The following CIMIP5 variants were observed in gnomAD, a reference collection of about 807,000 sequenced individuals.
CIMIP5 encodes the protein ciliary microtubule inner protein 5.
At chr2:11,140,558 A>T in the CIMIP5 span, 12 of 1,560,556 alleles carry the variant, frequency 7.7e-6, no homozygotes, top group Non-Finnish European at 1.1e-5. Flanking sequence ...TGGTAAGGTA[A>T]AATATGTTCC....
chr2:11,144,326 C>A, the CIMIP5 span: 6 of 365,750 alleles, frequency 1.6e-5, no homozygotes, highest in African/African-American at 1.0e-4. Flanking sequence ...CACGGCCGTA[C>A]AATCCCCAGC....
chr2:11,148,904 T>C, the CIMIP5 span, among the ~76,000 whole-genome samples: 1 of 151,892 alleles, frequency 6.6e-6, no homozygotes, highest in Non-Finnish European at 1.5e-5. Flanking sequence ...TGGCTAATTT[T>C]TGTATTTTTA....
the CIMIP5 span, among the ~76,000 whole-genome samples, chr2:11,141,329 A>G: frequency 4.0e-5 from 6 of 151,824 alleles, no homozygotes; most frequent in Admixed American, 2.0e-4. Flanking sequence ...GGGTTTCACT[A>G]TGTTAGCCAG....
At chr2:11,149,220 A>G in the CIMIP5 span, among the ~76,000 whole-genome samples, 1 of 152,066 alleles carries the variant, frequency 6.6e-6, no homozygotes, top group Non-Finnish European at 1.5e-5. Flanking sequence ...CTATTAAGCC[A>G]AACCTCACCA....
At chr2:11,143,580 A>G in the CIMIP5 span, among the ~76,000 whole-genome samples, 1 of 152,132 alleles carries the variant, frequency 6.6e-6, no homozygotes, top group Non-Finnish European at 1.5e-5. Context: ...AAAAAAAAAA[A>G]AAAAATCAAA....
At chr2:11,143,914 C>A in the CIMIP5 span, 2 of 1,575,284 alleles carry the variant, frequency 1.3e-6, no homozygotes, top group Non-Finnish European at 1.7e-6. Context: ...TGTCCCCTCT[C>A]CTCAGGGCAA....
chr2:11,138,217 A>C, the CIMIP5 span, among the ~76,000 whole-genome samples: 1 of 152,236 alleles, frequency 6.6e-6, no homozygotes, highest in African/African-American at 2.4e-5. Flanking sequence ...GGGACTTTTC[A>C]GTTTTGTTGG....
At chr2:11,135,812 G>A in the CIMIP5 span, among the ~76,000 whole-genome samples, 1 of 151,930 alleles carries the variant, frequency 6.6e-6, no homozygotes, top group African/African-American at 2.4e-5. Flanking sequence ...CAAAGTGCTG[G>A]GACTACAGGT....
the CIMIP5 span, among the ~76,000 whole-genome samples, chr2:11,136,518 G>C: frequency 6.6e-6 from 1 of 152,160 alleles, no homozygotes; most frequent in East Asian, 1.9e-4. Context: ...GAGCTGCCCA[G>C]GAGGTAGTTG....
At chr2:11,153,263 TCCTGGGC>T in the CIMIP5 span, among the ~76,000 whole-genome samples, 22 of 152,262 alleles carry the variant, frequency 1.4e-4, no homozygotes, top group African/African-American at 5.3e-4. Flanking sequence ...GGCTGCAGTG[TCCTGGGC>T]CAGGAGCAGC....
the CIMIP5 span, among the ~76,000 whole-genome samples, chr2:11,152,481 CCTGTT>C: frequency 2.0e-5 from 3 of 152,112 alleles, no homozygotes; most frequent in African/African-American, 7.2e-5. Flanking sequence ...GTCATAATTT[CCTGTT>C]ATAATTTTTG....
the CIMIP5 span, among the ~76,000 whole-genome samples, chr2:11,142,247 C>T: frequency 1.4e-5 from 1 of 73,598 alleles, no homozygotes; most frequent in African/African-American, 5.3e-5. Context: ...GCCTGGGCAA[C>T]AAGAGCAAAA....
the CIMIP5 span, chr2:11,133,281 GTCTC>G: frequency 2.5e-3 from 3,600 of 1,424,152 alleles, 5 homozygotes; most frequent in South Asian, 0.014. Context: ...TCAGGCACAG[GTCTC>G]TCTCTCTCTC....
At chr2:11,142,519 C>T in the CIMIP5 span, among the ~76,000 whole-genome samples, 2 of 152,112 alleles carry the variant, frequency 1.3e-5, no homozygotes, top group Admixed American at 6.6e-5. Flanking sequence ...CTGCTAAGGG[C>T]TACATGATAG....
chr2:11,136,876 G>T, the CIMIP5 span, among the ~76,000 whole-genome samples: 1 of 152,198 alleles, frequency 6.6e-6, no homozygotes, highest in African/African-American at 2.4e-5. Context: ...GACAGAACTT[G>T]TAACATTTAC....
At chr2:11,141,874 C>T in the CIMIP5 span, among the ~76,000 whole-genome samples, 3 of 152,068 alleles carry the variant, frequency 2.0e-5, no homozygotes, top group Non-Finnish European at 2.9e-5. Context: ...CACCCTATCA[C>T]AACCCTAGCA....
At chr2:11,147,727 C>T in the CIMIP5 span, among the ~76,000 whole-genome samples, 1 of 152,248 alleles carries the variant, frequency 6.6e-6, no homozygotes, top group Non-Finnish European at 1.5e-5. Flanking sequence ...TCTGCAATGA[C>T]CTGTCATCAC....
the CIMIP5 span, chr2:11,133,552 G>A: frequency 4.4e-6 from 7 of 1,605,856 alleles, no homozygotes; most frequent in African/African-American, 1.3e-5. Context: ...CAGCTGTGGC[G>A]GGAGCTCCTG....
the CIMIP5 span, chr2:11,145,931 A>G: frequency 1.3e-5 from 2 of 152,252 alleles, no homozygotes; most frequent in African/African-American, 4.8e-5. Flanking sequence ...TTATTTTCTC[A>G]ACAACCCAAG....
Sources: gnomAD v4.1 joint callset for allele counts (sites outside exome capture counted in the v4.1 genomes callset) on GRCh38, gnomAD v4.1.1 for gene constraint, MANE v1.5 for transcripts, NCBI Gene and HGNC (gene_info 2026-07-23, HGNC 2026-07-21) for gene names.